MCC: variants seen among roughly 807,000 people sequenced by gnomAD.
MCC encodes the protein MCC regulator of Wnt signaling pathway.
MCC carries 90 observed loss-of-function variants against 116.2 expected under a neutral mutation model. That is an observed-to-expected ratio of 0.77 (90% confidence interval 0.65 to 0.92). MCC has a LOEUF of 0.92. Among genes scored for constraint, MCC ranks in the 40% least tolerant of loss-of-function variants. The pLI, the probability that MCC is intolerant of heterozygous loss-of-function variation, is 0.00. For missense variants in MCC, 1,516 were observed against 1,312.2 expected (o/e 1.16, Z -2.40); for synonymous variants, 578 against 510.5 (o/e 1.13, Z -1.78).
At chr5:113,418,365 A>G (rs889880342) in intron 1 of MCC, among the ~76,000 whole-genome samples, 2 of 152,096 alleles carry the variant, frequency 1.3e-5, no homozygotes, top group Admixed American at 6.6e-5. Context: ...AAATGAATTC[A>G]TTCATTGTGC....
intron 5 of MCC, among the ~76,000 whole-genome samples, chr5:113,124,627 A>C (rs1454179348): frequency 3.9e-5 from 6 of 152,208 alleles, no homozygotes; most frequent in African/African-American, 1.4e-4. Flanking sequence ...TACTAGGATG[A>C]ACTTTATAAA....
intron 5 of MCC, among the ~76,000 whole-genome samples, chr5:113,138,059 C>G (rs944682229): frequency 3.3e-5 from 5 of 151,466 alleles, no homozygotes; most frequent in African/African-American, 4.9e-5. Context: ...CTCTGTTACC[C>G]AGGCTGGAGT....
At chr5:113,125,739 T>C (rs1038632039) in intron 5 of MCC, among the ~76,000 whole-genome samples, 3 of 152,146 alleles carry the variant, frequency 2.0e-5, no homozygotes, top group African/African-American at 7.2e-5. Flanking sequence ...AGATTTTGAG[T>C]TGTGCTTCTG....
chr5:113,157,042 A>G (rs930357928), intron 3 of MCC, among the ~76,000 whole-genome samples: 3 of 152,214 alleles, frequency 2.0e-5, no homozygotes, highest in African/African-American at 7.2e-5. Context: ...CTATTCCGTT[A>G]CATATCTGCT....
chr5:113,342,038 T>C (rs913475363), intron 2 of MCC, among the ~76,000 whole-genome samples: 1 of 149,166 alleles, frequency 6.7e-6, no homozygotes, highest in South Asian at 2.2e-4. Context: ...GTCACTCTTA[T>C]GCCTTTGAGT....
At chr5:113,178,776 T>C (rs2150307751) in intron 3 of MCC, among the ~76,000 whole-genome samples, 1 of 152,296 alleles carries the variant, frequency 6.6e-6, no homozygotes, top group East Asian at 1.9e-4. Context: ...AATTAACATG[T>C]TCTATTTTCT....
rs996420510 is a variant in MCC at position 113,193,873 on chromosome 5, C to T, written c.628-42451G>A. On this transcript the variant is annotated intron_variant, in intron 3 of 18. Transcript: ENST00000408903. ...ATTCCTCCTCTCATTTGTTTTTTTT[C>T]TAAGGAATGATTAACTGAAGCACAA... Among the ~76,000 whole-genome samples the T allele has an allele frequency of 4.6e-5, 7 of 151,754 alleles. No individual in the cohort carries two copies. The East Asian group carries it at 5.8e-4, about 13-fold the overall frequency.
At chr5:113,411,867 ATTCCCTGGGTT>A (rs951882904) in intron 1 of MCC, among the ~76,000 whole-genome samples, 1 of 152,168 alleles carries the variant, frequency 6.6e-6, no homozygotes, top group Admixed American at 6.5e-5. Flanking sequence ...CCTGAATGGT[ATTCCCTGGGTT>A]TTCTTCTAGG....
intron 3 of MCC, among the ~76,000 whole-genome samples, chr5:113,186,804 T>G (rs1189962557): frequency 2.0e-5 from 3 of 152,252 alleles, no homozygotes; most frequent in Middle Eastern, 3.4e-3. Flanking sequence ...TTCAGAGCAG[T>G]GGTTCTCAAC....
At chr5:113,267,427 G>T (rs1486625078) in intron 3 of MCC, among the ~76,000 whole-genome samples, 1 of 152,136 alleles carries the variant, frequency 6.6e-6, no homozygotes, top group African/African-American at 2.4e-5. Context: ...ACCCATCAGT[G>T]TTCATATACA....
rs755158921 is a variant in MCC, at chr5:113,064,063, C to T, written c.2134G>A (p.Gly712Ser). ...AAKALLMKLD[G>S]SCGGAFAVAG... ...ACGGCAAAGGCTCCCCCACAGCTGC[C>T]GTCCAGCTTCATGAGCAGGGCCTTG... The change falls in exon 14 of 19, where the codon GGC becomes AGC. Residue 712 changes from glycine to serine, a missense_variant. Physicochemically the swap from Gly to Ser is moderately conservative, Grantham distance 56. Coordinates refer to ENST00000408903, the MANE Select transcript of MCC (RefSeq NM_001085377.2). The T allele has an allele frequency of 3.1e-5, 50 of 1,614,090 alleles. No homozygotes were observed. In the Admixed American group the frequency reaches 4.2e-4, roughly 13 times the overall value.
At chr5:113,103,976 A>G (rs1756581092) in intron 7 of MCC, among the ~76,000 whole-genome samples, 1 of 152,210 alleles carries the variant, frequency 6.6e-6, no homozygotes, top group African/African-American at 2.4e-5. Flanking sequence ...AAGCCAGTGA[A>G]CCTGACTGCT....
intron 2 of MCC, among the ~76,000 whole-genome samples, chr5:113,363,229 A>G (rs1459405198): frequency 6.6e-6 from 1 of 152,246 alleles, no homozygotes; most frequent in East Asian, 1.9e-4. Flanking sequence ...GTGAGCCGAG[A>G]TCACGCCACA....
chr5:113,339,162 G>T (rs1454144160), intron 3 of MCC, among the ~76,000 whole-genome samples: 1 of 151,350 alleles, frequency 6.6e-6, no homozygotes, highest in East Asian at 1.9e-4. Flanking sequence ...GAAGGCGGAG[G>T]TTGCAGTGAG....
chr5:113,089,168 T>C (rs1196261229), intron 8 of MCC, among the ~76,000 whole-genome samples: 1 of 151,976 alleles, frequency 6.6e-6, no homozygotes, highest in African/African-American at 2.4e-5. Flanking sequence ...CTGGTAAACA[T>C]TATGATGGGA....
At chr5:113,240,079 T>C (rs1764308350) in intron 3 of MCC, among the ~76,000 whole-genome samples, 1 of 152,208 alleles carries the variant, frequency 6.6e-6, no homozygotes, top group African/African-American at 2.4e-5. Context: ...CATAAGTGAT[T>C]ATACTTTCCA....
intron 3 of MCC, among the ~76,000 whole-genome samples, chr5:113,236,043 A>G (rs1252677016): frequency 6.6e-6 from 1 of 152,198 alleles, no homozygotes; most frequent in Non-Finnish European, 1.5e-5. Flanking sequence ...CCTCATGTTC[A>G]GGTTGGGCCC....
chr5:113,458,958 G>A (rs893748366), intron 1 of MCC, among the ~76,000 whole-genome samples: 1 of 152,102 alleles, frequency 6.6e-6, no homozygotes, highest in South Asian at 2.1e-4. Context: ...TGATATTGTG[G>A]GAGAGTTATT....
intron 14 of MCC, among the ~76,000 whole-genome samples, chr5:113,061,230 G>C (rs193203803): frequency 2.0e-5 from 3 of 152,210 alleles, no homozygotes; most frequent in African/African-American, 7.2e-5. Flanking sequence ...AGCTCTCCAG[G>C]GTCCCCACCT....
Sources: gnomAD v4.1 joint callset for allele counts (sites outside exome capture counted in the v4.1 genomes callset) on GRCh38, gnomAD v4.1.1 for gene constraint, MANE v1.5 for transcripts, NCBI Gene and HGNC (gene_info 2026-07-23, HGNC 2026-07-21) for gene names.